The following SNTG1 variants were observed in gnomAD, a reference collection of about 807,000 sequenced individuals.
SNTG1 encodes syntrophin gamma 1.
Under a neutral mutation model 74.7 loss-of-function variants are expected in SNTG1, and 39 were observed. The observed-to-expected ratio is 0.52, with a 90% CI of 0.40 to 0.68. The LOEUF (loss-of-function observed/expected upper bound fraction) is 0.68. SNTG1 is among the 30% of genes least tolerant of loss of function. SNTG1 has a pLI of 0.00. For missense variants in SNTG1, 685 were observed against 609.5 expected, an observed-to-expected ratio of 1.12 and a Z score of -1.30; for synonymous variants, 254 against 217.1, an observed-to-expected ratio of 1.17 and a Z score of -1.49.
chr8:50,266,618 C>T (rs940692829), intron 2 of SNTG1, among the ~76,000 whole-genome samples: 4 of 144,648 alleles, frequency 2.8e-5, no homozygotes, highest in Admixed American at 7.0e-5. Context: ...GCATATGGTA[C>T]CACAACAGAA....
intron 1 of SNTG1, among the ~76,000 whole-genome samples, chr8:50,132,334 C>T (rs2081343942): frequency 6.6e-6 from 1 of 152,068 alleles, no homozygotes; most frequent in African/African-American, 2.4e-5. Context: ...CAAATTGAAA[C>T]ATCCTAAATT....
chr8:49,994,814 G>A (rs1048041442), intron 1 of SNTG1, among the ~76,000 whole-genome samples: 2 of 151,966 alleles, frequency 1.3e-5, no homozygotes, highest in East Asian at 1.9e-4. Flanking sequence ...GGGCTAAAGG[G>A]TACCTCAAAG....
intron 18 of SNTG1, among the ~76,000 whole-genome samples, chr8:50,754,970 G>A (rs1207359221): frequency 6.6e-6 from 1 of 151,364 alleles, no homozygotes; most frequent in Admixed American, 6.6e-5. Context: ...GCAGTTTTCA[G>A]TTCACAGCAA....
At chr8:50,076,723 G>C (rs992067234) in intron 1 of SNTG1, among the ~76,000 whole-genome samples, 2 of 151,816 alleles carry the variant, frequency 1.3e-5, no homozygotes. Context: ...TACTCCTAAG[G>C]TACAAAATGT....
At chr8:50,486,819 T>G (rs1387538247) in intron 8 of SNTG1, among the ~76,000 whole-genome samples, 2 of 151,964 alleles carry the variant, frequency 1.3e-5, no homozygotes, top group Non-Finnish European at 2.9e-5. Flanking sequence ...TTTTGAAATA[T>G]GTCCCATCAA....
chr8:50,599,723 A>C (rs944221319), intron 13 of SNTG1, among the ~76,000 whole-genome samples: 1 of 152,164 alleles, frequency 6.6e-6, no homozygotes, highest in Non-Finnish European at 1.5e-5. Flanking sequence ...CAGTTCTAAT[A>C]GTTTTTTGGT....
intron 2 of SNTG1, among the ~76,000 whole-genome samples, chr8:50,276,445 G>C (rs1233467179): frequency 6.8e-6 from 1 of 147,734 alleles, no homozygotes; most frequent in African/African-American, 2.6e-5. Flanking sequence ...AAAAATACAG[G>C]TTCTTGTACT....
intron 13 of SNTG1, among the ~76,000 whole-genome samples, chr8:50,611,565 T>C (rs2094850112): frequency 6.6e-6 from 1 of 152,184 alleles, no homozygotes; most frequent in African/African-American, 2.4e-5. Flanking sequence ...TTATACACCA[T>C]AGTAAATTTA....
chr8:50,224,964 T>C (rs917227098), intron 2 of SNTG1, among the ~76,000 whole-genome samples: 21 of 152,082 alleles, frequency 1.4e-4, no homozygotes, highest in African/African-American at 4.8e-4. Flanking sequence ...GAGTCTGGTG[T>C]ATTTTTTTAT....
chr8:50,549,559 A>G (rs1369486907), intron 11 of SNTG1, among the ~76,000 whole-genome samples: 1 of 152,016 alleles, frequency 6.6e-6, no homozygotes, highest in Non-Finnish European at 1.5e-5. Context: ...CTTTTCCTCC[A>G]ATGCTTCAAT....
intron 8 of SNTG1, among the ~76,000 whole-genome samples, chr8:50,476,525 CAAAT>C (rs1756976375): frequency 6.6e-6 from 1 of 152,010 alleles, no homozygotes; most frequent in African/African-American, 2.4e-5. Flanking sequence ...TGGGAGGTTA[CAAAT>C]AAGCAAGGGG....
chr8:50,062,457 G>A (rs1177737445), intron 1 of SNTG1, among the ~76,000 whole-genome samples: 1 of 151,970 alleles, frequency 6.6e-6, no homozygotes, highest in East Asian at 1.9e-4. Flanking sequence ...ATTTAAGATT[G>A]TTATGTCTTT....
intron 15 of SNTG1, among the ~76,000 whole-genome samples, chr8:50,676,596 C>T (rs773145150): frequency 1.1e-4 from 17 of 151,662 alleles, no homozygotes; most frequent in Non-Finnish European, 2.9e-5. Context: ...CTCAACATAC[C>T]GTTTCTGATT....
At position 50,559,086 on chromosome 8, in the gene SNTG1, T is replaced by G. The variant is rs190217187; in HGVS notation, c.810+5907T>G. ...ACCATCAACCAGGTGGTGAGCAAAG[T>G]AAGGGGTGCTATTTCAGGCAAAGAA... On this transcript the variant is annotated intron_variant, in intron 12 of 18. Transcript: ENST00000642720. Among the ~76,000 whole-genome samples the G allele has an allele frequency of 4.2e-3, 646 of 152,204 alleles. 9 individuals are homozygous for G. Among genetic ancestry groups the G allele is most frequent in the African/African-American group, 0.014 (585 of 41,538 alleles).
intron 8 of SNTG1, among the ~76,000 whole-genome samples, chr8:50,483,760 C>T (rs891644101): frequency 1.3e-5 from 2 of 152,154 alleles, no homozygotes; most frequent in African/African-American, 4.8e-5. Flanking sequence ...CTGTATTCTG[C>T]AGCTGCAAAT....
In SNTG1 at chr8:50,259,658, A is replaced by G. The variant is rs551228111; in HGVS notation, c.-28+87023A>G. On this transcript the variant is annotated intron_variant, in intron 2 of 18. Coordinates refer to ENST00000642720, the MANE Select transcript of SNTG1 (RefSeq NM_018967.5). ...ATCCATCTTAAAAGAACGACTAAAG[A>G]TGTATGGTTTTCCATATGATATATA... Among the ~76,000 whole-genome samples the G allele has an allele frequency of 1.1e-4, 16 of 152,264 alleles. 1 individual carries two copies. Among genetic ancestry groups the G allele is most frequent in the African/African-American group, 3.8e-4 (16 of 41,564 alleles).
At chr8:49,971,207 G>A (rs1811638095) in intron 1 of SNTG1, among the ~76,000 whole-genome samples, 1 of 152,102 alleles carries the variant, frequency 6.6e-6, no homozygotes, top group African/African-American at 2.4e-5. Flanking sequence ...TTGCAAGGCT[G>A]GTTCAACATA....
chr8:50,079,631 CT>C (rs1822218218), intron 1 of SNTG1, among the ~76,000 whole-genome samples: 1 of 152,054 alleles, frequency 6.6e-6, no homozygotes, highest in Non-Finnish European at 1.5e-5. Context: ...GTCCTGAAGT[CT>C]TTGCTCATGC....
chr8:50,764,437 C>T (rs893385756), intron 18 of SNTG1, among the ~76,000 whole-genome samples: 3 of 151,624 alleles, frequency 2.0e-5, no homozygotes, highest in African/African-American at 7.3e-5. Flanking sequence ...AACAAATAAC[C>T]CATTAAAATT....
Sources: allele counts gnomAD v4.1 joint callset (sites outside exome capture counted in the v4.1 genomes callset), GRCh38; gene constraint gnomAD v4.1.1; transcripts MANE v1.5; gene names NCBI Gene and HGNC (gene_info 2026-07-23, HGNC 2026-07-21).